SLC2A13: variants seen among roughly 807,000 people sequenced by gnomAD.
SLC2A13 encodes solute carrier family 2 member 13.
SLC2A13 carries 32 observed loss-of-function variants against 64.4 expected under a neutral mutation model. The ratio of observed to expected loss-of-function variants is 0.50; its 90% confidence interval spans 0.37 to 0.67. The LOEUF (loss-of-function observed/expected upper bound fraction) is 0.67, where lower values mean the gene tolerates loss of function less well. Ranked by LOEUF, SLC2A13 falls within the 30% of genes least tolerant of loss-of-function variation. The pLI is 0.00. For synonymous variants in SLC2A13, 338 were observed against 327.1 expected, an observed-to-expected ratio of 1.03 and a Z score of -0.36; for missense variants, 743 against 829.2, an observed-to-expected ratio of 0.90 and a Z score of 1.28.
rs1195735296 is a variant in SLC2A13 at position 39,895,836 on chromosome 12, ATGCACACACATATGTATATG to A, written c.1035-23895_1035-23876del. Among the ~76,000 whole-genome samples, 47 of 104,550 alleles carry A rather than the reference ATGCACACACATATGTATATG, an allele frequency of 4.5e-4. 14 individuals are homozygous for A. Among genetic ancestry groups the A allele is most frequent in the African/African-American group, 1.4e-3 (39 of 26,952 alleles). 68.6% of individuals were successfully genotyped at this position (104,550 alleles called of 152,430 possible). ...CGTACACACATGTATATGCGTGTATATGCACACACATATGTATATGCGTGTATATGCACACACATATGTAT... is the reference window on the plus strand; with the variant it reads ...CGTACACACATGTATATGCGTGTATACGTGTATATGCACACACATATGTAT... On this transcript the variant is annotated intron_variant, in intron 4 of 9. Coordinates refer to ENST00000280871, the MANE Select transcript of SLC2A13 (RefSeq NM_052885.4).
intron 4 of SLC2A13, among the ~76,000 whole-genome samples, chr12:39,929,387 C>T (rs1945782896): frequency 6.6e-6 from 1 of 151,834 alleles, no homozygotes; most frequent in South Asian, 2.1e-4. Context: ...CCTGTCTCTA[C>T]TAAAACTACA....
At chr12:39,880,915 C>T (rs1219971274) in intron 4 of SLC2A13, among the ~76,000 whole-genome samples, 8 of 152,190 alleles carry the variant, frequency 5.3e-5, no homozygotes, top group Admixed American at 5.2e-4. Flanking sequence ...CCTATTAATT[C>T]GTTCTATAAA....
At chr12:40,031,598 A>G (rs1237321310) in intron 2 of SLC2A13, among the ~76,000 whole-genome samples, 1 of 152,216 alleles carries the variant, frequency 6.6e-6, no homozygotes, top group Non-Finnish European at 1.5e-5. Flanking sequence ...GAAATCATTC[A>G]CCAAGGCAGA....
rs777043798 is a variant in SLC2A13 at position 39,764,755 on chromosome 12, G to A, written c.1549C>T (p.Leu517Phe). 1 of 1,612,670 alleles carries A rather than the reference G, an allele frequency of 6.2e-7. No homozygotes were observed. Among genetic ancestry groups the A allele is most frequent in the Non-Finnish European group, 8.5e-7 (1 of 1,179,298 alleles). Residue 517 changes from leucine (L) to phenylalanine (F), a missense_variant, in exon 8 of 10, where the codon CTT (leucine) becomes TTT (phenylalanine). Physicochemically the swap from Leu to Phe is conservative, Grantham distance 22 (BLOSUM62 0). This residue lies in a region of SLC2A13 where 295 missense variants were observed against 381.7 expected (regional missense o/e 0.77). Transcript: ENST00000280871. ...WTALLGLILYLVFFAPGMGPM... is the reference protein window; with the variant it reads ...WTALLGLILYFVFFAPGMGPM... ...TGTTTACCAGGTGCAAAGAAGACAA[G>A]ATATAAAATAAGGCCCAGAAGTGCA...
intron 7 of SLC2A13, chr12:39,788,686 A>G (rs971162976): frequency 9.2e-5 from 14 of 152,166 alleles, no homozygotes; most frequent in African/African-American, 3.1e-4. Flanking sequence ...AACTTTAGGA[A>G]TCATCTAAAA....
intron 3 of SLC2A13, among the ~76,000 whole-genome samples, chr12:40,017,432 C>T (rs1947638035): frequency 1.3e-5 from 2 of 152,180 alleles, no homozygotes; most frequent in Admixed American, 1.3e-4. Flanking sequence ...AGAATTTCTC[C>T]CTCTTCTTTA....
intron 3 of SLC2A13, among the ~76,000 whole-genome samples, chr12:39,975,021 G>A (rs1011633076): frequency 2.6e-5 from 4 of 152,028 alleles, no homozygotes; most frequent in Admixed American, 2.0e-4. Flanking sequence ...AGCATCAAAA[G>A]GCATGCATTC....
rs567763236 is a variant in SLC2A13 at position 39,757,211 on chromosome 12, C to G, written c.*2815G>C. On this transcript the variant is annotated 3_prime_UTR_variant, in exon 10 of 10. Coordinates refer to ENST00000280871, the MANE Select transcript of SLC2A13 (RefSeq NM_052885.4). ...TTTGGACCTTCTTCATTGTATTTTC[C>G]TAAGACATAATATACCTCTATCAAA... The G allele has an allele frequency of 6.6e-6, 1 of 151,732 alleles. No homozygotes were observed. Among genetic ancestry groups the G allele is most frequent in the Admixed American group, 6.6e-5 (1 of 15,206 alleles). The allele number at this position is 151,732 out of a possible 1,614,324, so 9.4% of individuals were successfully genotyped here. A position where few individuals can be genotyped will look rare whatever the true frequency, so the allele number is the denominator to read the frequency against.
chr12:39,870,524 T>C (rs1379804238), intron 5 of SLC2A13, among the ~76,000 whole-genome samples: 1 of 152,238 alleles, frequency 6.6e-6, no homozygotes, highest in African/African-American at 2.4e-5. Context: ...TAAAATAAAA[T>C]ACCTGGTAGG....
chr12:39,919,803 A>G (rs1359929508), intron 4 of SLC2A13, among the ~76,000 whole-genome samples: 3 of 152,088 alleles, frequency 2.0e-5, no homozygotes, highest in African/African-American at 7.2e-5. Context: ...TATTTATTTA[A>G]AGATAATTCC....
chr12:39,963,494 T>C (rs2136118073), intron 3 of SLC2A13, among the ~76,000 whole-genome samples: 1 of 152,300 alleles, frequency 6.6e-6, no homozygotes, highest in East Asian at 1.9e-4. Context: ...TAGGCATAAA[T>C]GAGTAAGACC....
chr12:39,921,251 A>G (rs976434892), intron 4 of SLC2A13, among the ~76,000 whole-genome samples: 1 of 152,066 alleles, frequency 6.6e-6, no homozygotes, highest in Admixed American at 6.6e-5. Flanking sequence ...AAGCGCATGC[A>G]TGGTCTTCCT....
chr12:39,832,289 T>C (rs1416266645), intron 6 of SLC2A13, among the ~76,000 whole-genome samples: 1 of 152,152 alleles, frequency 6.6e-6, no homozygotes, highest in African/African-American at 2.4e-5. Context: ...TCTGCCCATA[T>C]GAAGTTAAAT....
rs111885127 is a variant in SLC2A13 at position 40,010,535 on chromosome 12, A to G, written c.925+17766T>C. 8.5e-5 allele frequency among the ~76,000 whole-genome samples: 13 copies of G among 152,326 alleles called. 2 individuals carry two copies. Among genetic ancestry groups the G allele is most frequent in the African/African-American group, 2.9e-4 (12 of 41,580 alleles). ...AATGTATTGTCTACAATCTCCATAA[A>G]TAATACTGAAAACTTAAGACAGTTA... On this transcript the variant is annotated intron_variant, in intron 3 of 9. Coordinates refer to ENST00000280871, the MANE Select transcript of SLC2A13 (RefSeq NM_052885.4).
chr12:39,809,750 T>C (rs968763042), intron 7 of SLC2A13, among the ~76,000 whole-genome samples: 49 of 152,092 alleles, frequency 3.2e-4, no homozygotes, highest in African/African-American at 1.2e-3. Flanking sequence ...AGTGAGAACA[T>C]GCGGTGTTTG....
At chr12:39,967,349 G>A (rs990311996) in intron 3 of SLC2A13, among the ~76,000 whole-genome samples, 1 of 152,062 alleles carries the variant, frequency 6.6e-6, no homozygotes, top group Non-Finnish European at 1.5e-5. Context: ...ATTTTAGCAT[G>A]GCTCATGATC....
chr12:39,770,945 A>G (rs1048536174), intron 7 of SLC2A13, among the ~76,000 whole-genome samples: 2 of 152,124 alleles, frequency 1.3e-5, no homozygotes, highest in Non-Finnish European at 2.9e-5. Flanking sequence ...TCTAGGTGTA[A>G]TATCTCAAAG....
At chr12:39,968,589 T>G (rs1166812396) in intron 3 of SLC2A13, among the ~76,000 whole-genome samples, 4 of 151,904 alleles carry the variant, frequency 2.6e-5, no homozygotes, top group African/African-American at 9.7e-5. Flanking sequence ...TCTTGTACAC[T>G]ATTATTCCCC....
intron 1 of SLC2A13, among the ~76,000 whole-genome samples, chr12:40,097,467 A>C (rs781254119): frequency 1.4e-4 from 22 of 152,222 alleles, no homozygotes; most frequent in Non-Finnish European, 2.5e-4. Context: ...TGCAAATCAT[A>C]TATCTGATAG....
Sources: gnomAD v4.1 joint callset for allele counts (sites outside exome capture counted in the v4.1 genomes callset) on GRCh38, gnomAD v4.1.1 for gene constraint, gnomAD v4.1.1 regional missense constraint, MANE v1.5 for transcripts, NCBI Gene and HGNC (gene_info 2026-07-23, HGNC 2026-07-21) for gene names.